The following L3HYPDH variants were observed in gnomAD, a reference collection of about 807,000 sequenced individuals.
L3HYPDH encodes trans-3-hydroxy-L-proline dehydratase.
A neutral mutation model predicts 26.5 loss-of-function variants in L3HYPDH; 32 were observed. That is an observed-to-expected ratio of 1.21 (90% confidence interval 0.91 to 1.62). L3HYPDH has a LOEUF of 1.62. Among genes scored for constraint, L3HYPDH ranks in the 40% most tolerant of loss-of-function variants. The probability of loss-of-function intolerance (pLI) is 0.00; values close to 1 mark genes in which losing one functional copy is unlikely to be tolerated. For synonymous variants in L3HYPDH, 215 were observed against 196.6 expected (o/e 1.09, Z -0.78); for missense variants, 554 against 476.4 (o/e 1.16, Z -1.52).
the L3HYPDH span, among the ~76,000 whole-genome samples, chr14:59,493,591 TAAC>T: frequency 4.7e-4 from 72 of 152,290 alleles, no homozygotes; most frequent in African/African-American, 1.7e-3. Context: ...ATATTAGAAA[TAAC>T]AAGACAGTTT....
chr14:59,502,556 CAG>C, the L3HYPDH span, among the ~76,000 whole-genome samples: 2 of 152,074 alleles, frequency 1.3e-5, no homozygotes, highest in South Asian at 2.1e-4. Context: ...AGGAACTAGA[CAG>C]AATATTTTTA....
chr14:59,466,908 T>C (rs1363755580), intron 1 of L3HYPDH, among the ~76,000 whole-genome samples: 5 of 152,224 alleles, frequency 3.3e-5, no homozygotes, highest in Non-Finnish European at 5.9e-5. Context: ...TGTCTTCAGA[T>C]ATTGCCAAAT....
chr14:59,493,779 A>C, the L3HYPDH span, among the ~76,000 whole-genome samples: 1 of 152,352 alleles, frequency 6.6e-6, no homozygotes, highest in South Asian at 2.1e-4. Flanking sequence ...AGCCAAGACC[A>C]CCAAAGAAGT....
the L3HYPDH span, among the ~76,000 whole-genome samples, chr14:59,495,529 T>C: frequency 6.6e-6 from 1 of 152,316 alleles, no homozygotes; most frequent in African/African-American, 2.4e-5. Context: ...TGGATTAGTG[T>C]TTTTTCTTTT....
chr14:59,472,234 T>TA (rs1485126032), downstream of L3HYPDH, among the ~76,000 whole-genome samples: 1 of 152,254 alleles, frequency 6.6e-6, no homozygotes, highest in Non-Finnish European at 1.5e-5. Flanking sequence ...ATGCAGCTGA[T>TA]AGAGTATGAG....
At chr14:59,501,032 A>C in the L3HYPDH span, 1 of 564,454 alleles carries the variant, frequency 1.8e-6, no homozygotes, top group South Asian at 2.3e-5. Context: ...TTTCCAGAAA[A>C]AGCTTGCTGG....
At chr14:59,488,038 C>A (rs551311791), upstream of L3HYPDH, among the ~76,000 whole-genome samples, 2 of 152,118 alleles carry the variant, frequency 1.3e-5, no homozygotes, top group East Asian at 3.8e-4. Flanking sequence ...GTCTGTTTTA[C>A]TCTCAGTGAT....
rs142744914 is a variant in L3HYPDH, at chr14:59,476,745, T to C, written c.679-531A>G. 1.5e-4 allele frequency among the ~76,000 whole-genome samples: 23 copies of C among 152,172 alleles called. No homozygotes were observed. In the East Asian group the frequency reaches 3.7e-3, roughly 24 times the overall value. ...AGAAACTATTAGGCAAGAGAAACAA[T>C]TGGAGGAAAAAAAGATTTATTGTAG... On this transcript the variant is annotated intron_variant, in intron 2 of 4. Coordinates refer to ENST00000247194, the MANE Select transcript of L3HYPDH (RefSeq NM_144581.2).
rs779662529 is a variant in L3HYPDH at position 59,475,921 on chromosome 14, C to G, written c.887G>C (p.Arg296Thr). 2 of 1,613,866 alleles carry G rather than the reference C, an allele frequency of 1.2e-6. No homozygotes were observed. The highest frequency in any genetic ancestry group is 3.3e-5 in the Admixed American group (2 of 60,006). Residue 296 changes from arginine to threonine, a missense_variant, in exon 4 of 5, where the codon AGA (arginine) becomes ACA (threonine). Arg to Thr is a moderately conservative substitution (Grantham distance 71). Transcript: ENST00000247194. ...GCCAGTTGCACTGCTTTTGAAGGCTCTCATCTGGTTCAGTTCCAGAAGCCC... is the reference window on the plus strand; with the variant it reads ...GCCAGTTGCACTGCTTTTGAAGGCTGTCATCTGGTTCAGTTCCAGAAGCCC... ...HKGLLELNQM[R>T]AFKSSATGSV...
intron 1 of L3HYPDH, among the ~76,000 whole-genome samples, chr14:59,482,613 C>T (rs1405162443): frequency 6.6e-6 from 1 of 152,122 alleles, no homozygotes; most frequent in Non-Finnish European, 1.5e-5. Context: ...AAGTGGCCTC[C>T]CAGTCTGGAA....
intron 2 of L3HYPDH, among the ~76,000 whole-genome samples, chr14:59,477,268 T>C (rs1889701251): frequency 6.6e-6 from 1 of 152,216 alleles, no homozygotes; most frequent in African/African-American, 2.4e-5. Context: ...CTAACATATA[T>C]ACAGTATGTT....
chr14:59,498,623 A>T, the L3HYPDH span: 3 of 659,792 alleles, frequency 4.5e-6, no homozygotes, highest in Admixed American at 9.4e-5. Flanking sequence ...TAGAGTAAAT[A>T]TGCTTTTTAA....
At position 59,484,398 on chromosome 14, in the gene L3HYPDH, G is replaced by A. The variant is rs1177754598; in HGVS notation, c.-82C>T. The stretch of plus-strand genomic sequence containing the variant: ...TCACCCACTGACTCCGCGGGAGGAG[G>A]GCGGGACGCTAACCAGCCACGTCCG... On this transcript the variant is annotated 5_prime_UTR_variant, in exon 1 of 5. Coordinates refer to ENST00000247194, the MANE Select transcript of L3HYPDH (RefSeq NM_144581.2). 6.2e-6 allele frequency: 9 copies of A among 1,454,572 alleles called. No individual in the cohort carries two copies. Among genetic ancestry groups the A allele is most frequent in the African/African-American group, 4.2e-5 (3 of 71,672 alleles). 90.1% of individuals were successfully genotyped at this position (1,454,572 alleles called of 1,614,324 possible). A position where few individuals can be genotyped will look rare whatever the true frequency, so the allele number is the denominator to read the frequency against.
At chr14:59,497,218 C>T in the L3HYPDH span, among the ~76,000 whole-genome samples, 7 of 152,076 alleles carry the variant, frequency 4.6e-5, no homozygotes, top group Non-Finnish European at 8.8e-5. Context: ...ATCATTATAA[C>T]TTACTGCAAA....
chr14:59,504,012 G>A, the L3HYPDH span: 2 of 1,613,672 alleles, frequency 1.2e-6, no homozygotes, highest in South Asian at 1.1e-5. Context: ...TTTTTTACTT[G>A]TTCACTGCAA....
chr14:59,484,800 G>A, upstream of L3HYPDH: 1 of 912,206 alleles, frequency 1.1e-6, no homozygotes, highest in Non-Finnish European at 1.6e-6. Context: ...GAGGCGCGCT[G>A]TCTGCGGCGA....
chr14:59,472,799 CA>C lies in L3HYPDH; in HGVS notation c.*165del, dbSNP rs1889357337. ...AGTGATATTTATACAAATACAGTTG[CA>C]AATACGAGGTATAATGACTTTATAT... is the stretch of plus-strand genomic sequence containing the variant. On this transcript the variant is annotated 3_prime_UTR_variant, in exon 5 of 5. Coordinates refer to ENST00000247194, the MANE Select transcript of L3HYPDH (RefSeq NM_144581.2). 4 of 512,776 alleles carry C rather than the reference CA, an allele frequency of 7.8e-6. No individual in the cohort carries two copies. The highest frequency in any genetic ancestry group is 4.1e-5 in the Admixed American group (1 of 24,314). 31.8% of individuals were successfully genotyped at this position (512,776 alleles called of 1,614,324 possible). A position where few individuals can be genotyped will look rare whatever the true frequency, so the allele number is the denominator to read the frequency against.
chr14:59,487,541 TTTTA>T, upstream of L3HYPDH: 1 of 650,310 alleles, frequency 1.5e-6, no homozygotes, highest in East Asian at 2.6e-5. Flanking sequence ...ATGCCCTCTT[TTTTA>T]TTTCTAAAAG....
At chr14:59,485,198 A>G (rs777885894), upstream of L3HYPDH, 46 of 1,457,310 alleles carry the variant, frequency 3.2e-5, no homozygotes, top group Non-Finnish European at 4.3e-5. Context: ...TAGATTATTG[A>G]TATTCACGTG....
Sources: gnomAD v4.1 joint callset for allele counts (sites outside exome capture counted in the v4.1 genomes callset) on GRCh38, gnomAD v4.1.1 for gene constraint, MANE v1.5 for transcripts, NCBI Gene and HGNC (gene_info 2026-07-23, HGNC 2026-07-21) for gene names.